Variants in LHFPL6 observed in about 807,000 individuals in gnomAD.
LHFPL6 encodes the protein LHFPL tetraspan subfamily member 6.
In LHFPL6, 9 loss-of-function variants were observed where a neutral mutation model predicts 20.6. The ratio of observed to expected loss-of-function variants is 0.44; its 90% CI spans 0.26 to 0.76. The LOEUF (loss-of-function observed/expected upper bound fraction) is 0.76. Ranked by LOEUF, LHFPL6 falls within the 30% of genes least tolerant of loss-of-function variation. The pLI is 0.20. For synonymous variants in LHFPL6, 105 were observed against 98.7 expected, an observed-to-expected ratio of 1.06 and a Z score of -0.38; for missense variants, 218 against 253.5, an observed-to-expected ratio of 0.86 and a Z score of 0.95.
chr13:39,485,982 T>C (rs1013725892), intron 2 of LHFPL6, among the ~76,000 whole-genome samples: 1 of 152,160 alleles, frequency 6.6e-6, no homozygotes, highest in Non-Finnish European at 1.5e-5. Context: ...AGTATTATCA[T>C]TCGCATTTTA....
chr13:39,451,634 A>T (rs531879601), intron 2 of LHFPL6, among the ~76,000 whole-genome samples: 2 of 152,378 alleles, frequency 1.3e-5, no homozygotes, highest in Admixed American at 1.3e-4. Flanking sequence ...AGCTGTTTAT[A>T]ACAAAGCAGG....
intron 2 of LHFPL6, among the ~76,000 whole-genome samples, chr13:39,382,942 A>G (rs1870479157): frequency 6.6e-6 from 1 of 152,152 alleles, no homozygotes; most frequent in African/African-American, 2.4e-5. Flanking sequence ...CATTTCTGGG[A>G]AAAAAATGTA....
intron 2 of LHFPL6, among the ~76,000 whole-genome samples, chr13:39,546,391 A>G (rs8000770): frequency 0.33 from 50,568 of 152,028 alleles, 8,552 homozygotes; most frequent in Middle Eastern, 0.45. Context: ...ATGAGAATCT[A>G]CTTTCTTAAA....
At chr13:39,479,034 T>TATAGATAGATAGATAGATAG (rs34879497) in intron 2 of LHFPL6, among the ~76,000 whole-genome samples, 9 of 144,058 alleles carry the variant, frequency 6.2e-5, no homozygotes, top group East Asian at 2.0e-4. Flanking sequence ...GGGAGATAGA[T>TATAGATAGATAGATAGATAG]ATAGATAGAT....
At chr13:39,369,599 C>CTTCCTTCCTTCCTTCCT (rs370421871) in intron 3 of LHFPL6, among the ~76,000 whole-genome samples, 7 of 40,124 alleles carry the variant, frequency 1.7e-4, no homozygotes, top group Admixed American at 6.3e-4. Context: ...TCCTTCCTTC[C>CTTCCTTCCTTCCTTCCT]TCCCTCTCTC....
At chr13:39,445,317 G>A (rs1192786912) in intron 2 of LHFPL6, among the ~76,000 whole-genome samples, 1 of 152,130 alleles carries the variant, frequency 6.6e-6, no homozygotes, top group Non-Finnish European at 1.5e-5. Context: ...TCACACAATG[G>A]AAAGAACATG....
At chr13:39,525,792 CA>C (rs1216370682) in intron 2 of LHFPL6, among the ~76,000 whole-genome samples, 1 of 152,036 alleles carries the variant, frequency 6.6e-6, no homozygotes, top group Non-Finnish European at 1.5e-5. Context: ...CCAGTGCATG[CA>C]AAAGGCATTT....
chr13:39,541,841 G>A (rs1336001113), intron 2 of LHFPL6, among the ~76,000 whole-genome samples: 1 of 151,494 alleles, frequency 6.6e-6, no homozygotes, highest in Non-Finnish European at 1.5e-5. Flanking sequence ...TGTAATCCCA[G>A]CACTTTGGGA....
chr13:39,424,994 T>G (rs182779893), intron 2 of LHFPL6, among the ~76,000 whole-genome samples: 1 of 152,292 alleles, frequency 6.6e-6, no homozygotes, highest in Admixed American at 6.5e-5. Context: ...CAGGAAGCCA[T>G]GGCCACAATG....
At chr13:39,541,197 C>T (rs1428386385) in intron 2 of LHFPL6, among the ~76,000 whole-genome samples, 1 of 152,188 alleles carries the variant, frequency 6.6e-6, no homozygotes, top group African/African-American at 2.4e-5. Flanking sequence ...TCCACTCCAG[C>T]TGGGCCACTA....
chr13:39,397,458 C>T (rs923046461), intron 2 of LHFPL6, among the ~76,000 whole-genome samples: 4 of 152,190 alleles, frequency 2.6e-5, no homozygotes, highest in African/African-American at 9.7e-5. Flanking sequence ...GAGATGCAAG[C>T]TGCATGATCA....
intron 3 of LHFPL6, among the ~76,000 whole-genome samples, chr13:39,373,378 C>T (rs1222440972): frequency 6.6e-6 from 1 of 152,186 alleles, no homozygotes; most frequent in Non-Finnish European, 1.5e-5. Context: ...CTCCCTTAGG[C>T]ATAGGATCCC....
intron 2 of LHFPL6, among the ~76,000 whole-genome samples, chr13:39,500,494 C>A (rs1435878682): frequency 2.0e-5 from 3 of 152,054 alleles, no homozygotes; most frequent in African/African-American, 7.2e-5. Flanking sequence ...CTCAAGCGAT[C>A]CTCCCACCTC....
At chr13:39,376,820 CA>C (rs1870304364) in intron 3 of LHFPL6, among the ~76,000 whole-genome samples, 1 of 152,094 alleles carries the variant, frequency 6.6e-6, no homozygotes, top group African/African-American at 2.4e-5. Context: ...TCTGTCCATC[CA>C]TATAGTAGGG....
At chr13:39,505,046 G>A (rs1869428489) in intron 2 of LHFPL6, among the ~76,000 whole-genome samples, 1 of 152,132 alleles carries the variant, frequency 6.6e-6, no homozygotes, top group Admixed American at 6.5e-5. Flanking sequence ...CAAAGCTTAG[G>A]CTTCTTTCCT....
intron 2 of LHFPL6, among the ~76,000 whole-genome samples, chr13:39,551,658 C>T (rs1471218339): frequency 6.6e-6 from 1 of 152,190 alleles, no homozygotes; most frequent in Non-Finnish European, 1.5e-5. Context: ...ATTGGGAATG[C>T]ATTGAATCTA....
At chr13:39,472,263 G>C (rs1872966702) in intron 2 of LHFPL6, among the ~76,000 whole-genome samples, 1 of 152,128 alleles carries the variant, frequency 6.6e-6, no homozygotes, top group Admixed American at 6.5e-5. Flanking sequence ...AAAAATCACT[G>C]ATTCCTTTCC....
At chr13:39,481,510 C>T (rs1028482339) in intron 2 of LHFPL6, among the ~76,000 whole-genome samples, 2 of 152,146 alleles carry the variant, frequency 1.3e-5, no homozygotes, top group African/African-American at 4.8e-5. Context: ...GGCTTCTTGA[C>T]ACTGTACAAT....
chr13:39,563,091 A>AACACACAC (rs60324329), intron 2 of LHFPL6, among the ~76,000 whole-genome samples: 5,171 of 135,686 alleles, frequency 0.038, 183 homozygotes, highest in Non-Finnish European at 0.056. Context: ...CAATACTAGA[A>AACACACAC]ACACACACAC....
Sources: gnomAD v4.1 joint callset for allele counts (sites outside exome capture counted in the v4.1 genomes callset) on GRCh38, gnomAD v4.1.1 for gene constraint, MANE v1.5 for transcripts, NCBI Gene and HGNC (gene_info 2026-07-23, HGNC 2026-07-21) for gene names.